MAST2: variants seen among roughly 807,000 people sequenced by gnomAD.
The protein encoded by MAST2 is microtubule-associated serine/threonine-protein kinase 2.
A neutral mutation model predicts 147.4 loss-of-function variants in MAST2; 70 were observed. That is an observed-to-expected ratio of 0.47 (90% CI 0.39 to 0.58). MAST2 has a LOEUF of 0.58. MAST2 is among the 20% of genes least tolerant of loss of function. The pLI is 0.00. For synonymous variants in MAST2, 869 were observed against 896.8 expected, an observed-to-expected ratio of 0.97 and a Z score of 0.55; for missense variants, 2,080 against 2,302.3, an observed-to-expected ratio of 0.90 and a Z score of 1.98.
intron 9 of MAST2, among the ~76,000 whole-genome samples, chr1:46,010,160 G>A (rs190966201): frequency 3.3e-5 from 5 of 152,300 alleles, no homozygotes; most frequent in Non-Finnish European, 7.3e-5. Context: ...AGGATCCTGA[G>A]TTAAATGAAA....
intron 3 of MAST2, among the ~76,000 whole-genome samples, chr1:45,851,981 T>C (rs1374296372): frequency 6.6e-6 from 1 of 152,122 alleles, no homozygotes; most frequent in Non-Finnish European, 1.5e-5. Context: ...TTTAAAAAAA[T>C]ACTTATGGTT....
intron 4 of MAST2, among the ~76,000 whole-genome samples, chr1:45,955,602 A>G (rs1409818271): frequency 6.6e-6 from 1 of 152,166 alleles, no homozygotes; most frequent in South Asian, 2.1e-4. Context: ...AGAAGATTGT[A>G]CTTGAGCAAA....
chr1:46,027,697 A>G lies in MAST2; in HGVS notation c.1920-34A>G, dbSNP rs371957072. The G allele has an allele frequency of 5.0e-6, 8 of 1,597,638 alleles. No individual in the cohort carries two copies. In the African/African-American group the frequency reaches 5.4e-5, roughly 11 times the overall value. Reference sequence around the variant, plus strand: ...AATCAGTACTCTCAGAAAACCAGGAATAACTTCTTAATTTTATTTCTTCGT... The same window carrying G: ...AATCAGTACTCTCAGAAAACCAGGAGTAACTTCTTAATTTTATTTCTTCGT... On this transcript the variant is annotated intron_variant, in intron 16 of 28. Transcript: ENST00000361297.
intron 10 of MAST2, among the ~76,000 whole-genome samples, chr1:46,012,759 C>T (rs184624520): frequency 9.2e-4 from 140 of 152,110 alleles, no homozygotes; most frequent in Non-Finnish European, 1.6e-3. Context: ...CTTTGGGAGG[C>T]CAGGATGGAA....
rs546132253 is a variant in MAST2 at position 45,891,512 on chromosome 1, C to T, written c.500+9117C>T. Among the ~76,000 whole-genome samples the T allele has an allele frequency of 5.9e-5, 9 of 152,144 alleles. No homozygotes were observed. The South Asian group carries it at 1.2e-3, about 21-fold the overall frequency. ...AAAAAAAAGAAATTATTTCACATAA[C>T]GTCAGTTACCTACCTATAACTTACA... On this transcript the variant is annotated intron_variant, in intron 4 of 28. Coordinates refer to ENST00000361297, the MANE Select transcript of MAST2 (RefSeq NM_015112.3).
At chr1:46,015,729 T>C (rs1433841085) in intron 10 of MAST2, among the ~76,000 whole-genome samples, 5 of 152,056 alleles carry the variant, frequency 3.3e-5, no homozygotes, top group Non-Finnish European at 5.9e-5. Context: ...GATTCACAGC[T>C]GAATTCTACC....
intron 5 of MAST2, among the ~76,000 whole-genome samples, chr1:45,965,283 T>C (rs1661015604): frequency 6.6e-6 from 1 of 152,230 alleles, no homozygotes; most frequent in South Asian, 2.1e-4. Flanking sequence ...TTGTTAACTT[T>C]CTGTCTCGCT....
chr1:45,933,088 A>AAT (rs61682687), intron 4 of MAST2, among the ~76,000 whole-genome samples: 1 of 133,576 alleles, frequency 7.5e-6, no homozygotes, highest in African/African-American at 2.8e-5. Flanking sequence ...AAAAAAAAAA[A>AAT]GGCCAAGTGT....
rs185430112 is a variant in MAST2 at position 45,879,657 on chromosome 1, A to G, written c.469-2707A>G. Among the ~76,000 whole-genome samples the G allele has an allele frequency of 4.3e-3, 652 of 152,130 alleles. 4 individuals carry two copies. The highest frequency in any genetic ancestry group is 0.015 in the African/African-American group (614 of 41,534). The stretch of plus-strand genomic sequence containing the variant: ...ACATATTTATAAAACACATATGACA[A>G]AGGACTTGTATTTAGAAGATTATGA... On this transcript the variant is annotated intron_variant, in intron 3 of 28. Transcript: ENST00000361297.
chr1:45,811,495 C>G (rs570460986), intron 1 of MAST2, among the ~76,000 whole-genome samples: 2 of 151,490 alleles, frequency 1.3e-5, no homozygotes, highest in Non-Finnish European at 2.9e-5. Flanking sequence ...CCCACCACCA[C>G]GCTCGGCTAA....
In MAST2 at chr1:45,877,033, A is replaced by C. The variant is rs771892935; in HGVS notation, c.469-5331A>C. Among the ~76,000 whole-genome samples the C allele has an allele frequency of 3.1e-4, 47 of 152,326 alleles. 1 individual carries two copies. The Middle Eastern group carries it at 0.034, about 110-fold the overall frequency. On this transcript the variant is annotated intron_variant, in intron 3 of 28. Transcript: ENST00000361297. ...GAAAAAGAGGATATATTACCTTAGC[A>C]CATTTTATGAGTGTCTTCGTCTGTT...
At chr1:45,977,549 CA>C (rs1644218797) in intron 5 of MAST2, among the ~76,000 whole-genome samples, 2 of 151,974 alleles carry the variant, frequency 1.3e-5, no homozygotes, top group South Asian at 4.1e-4. Flanking sequence ...CCTGTAATCC[CA>C]GCACTTTGGG....
chr1:46,009,923 T>A (rs1216386557), intron 9 of MAST2, among the ~76,000 whole-genome samples: 1 of 152,206 alleles, frequency 6.6e-6, no homozygotes, highest in Non-Finnish European at 1.5e-5. Context: ...GATAGGCAGC[T>A]AAGAACTCGT....
In MAST2 at chr1:45,994,274, C is replaced by CTTTTTT. The variant is rs869216588; in HGVS notation, c.593-3430_593-3425dup. On this transcript the variant is annotated intron_variant, in intron 5 of 28. Coordinates refer to ENST00000361297, the MANE Select transcript of MAST2 (RefSeq NM_015112.3). The stretch of plus-strand genomic sequence containing the variant: ...GCAAGTGGCTCAAAGCCCTAACCCT[C>CTTTTTT]TTTTTTTTTTTTTTTTTTTTTTTTT... Among the ~76,000 whole-genome samples, 209 of 62,018 alleles carry CTTTTTT rather than the reference C, an allele frequency of 3.4e-3. 17 individuals are homozygous for CTTTTTT. The highest frequency in any genetic ancestry group is 0.011 in the African/African-American group (159 of 14,228). 40.7% of individuals were successfully genotyped at this position (62,018 alleles called of 152,430 possible).
chr1:45,913,194 A>G (rs1651943203), intron 4 of MAST2, among the ~76,000 whole-genome samples: 1 of 152,238 alleles, frequency 6.6e-6, no homozygotes, highest in African/African-American at 2.4e-5. Flanking sequence ...TCGGCATTTG[A>G]ATAATGACTG....
chr1:46,018,441 A>C (rs1326082157), intron 10 of MAST2, among the ~76,000 whole-genome samples: 2 of 152,184 alleles, frequency 1.3e-5, no homozygotes, highest in African/African-American at 4.8e-5. Context: ...AGAATAGTTT[A>C]AACAGTAAAG....
chr1:45,859,655 T>C (rs1043702975), intron 3 of MAST2, among the ~76,000 whole-genome samples: 2 of 152,232 alleles, frequency 1.3e-5, no homozygotes, highest in African/African-American at 4.8e-5. Context: ...AAGAACCTTA[T>C]AGCTTTCCAC....
At chr1:45,850,078 G>A (rs557067865) in intron 3 of MAST2, among the ~76,000 whole-genome samples, 6 of 152,228 alleles carry the variant, frequency 3.9e-5, no homozygotes, top group East Asian at 1.9e-4. Flanking sequence ...CAGTGTATAC[G>A]TGTTCCCTTT....
intron 4 of MAST2, among the ~76,000 whole-genome samples, chr1:45,933,245 G>T (rs1310650734): frequency 2.7e-5 from 3 of 113,090 alleles, no homozygotes; most frequent in East Asian, 2.7e-4. Context: ...AAGCGGGGGG[G>T]TTGGGGGGGG....
Sources: allele counts gnomAD v4.1 joint callset (sites outside exome capture counted in the v4.1 genomes callset), GRCh38; gene constraint gnomAD v4.1.1; transcripts MANE v1.5; gene names NCBI Gene and HGNC (gene_info 2026-07-23, HGNC 2026-07-21).